The following ADGRG5 variants were observed in gnomAD, a reference collection of about 807,000 sequenced individuals.
ADGRG5 encodes G protein-coupled receptor 114.
A neutral mutation model predicts 53.2 loss-of-function variants in ADGRG5; 37 were observed. That is an observed-to-expected ratio of 0.70 (90% CI 0.53 to 0.91). ADGRG5 has a LOEUF of 0.91. Among genes scored for constraint, ADGRG5 ranks in the 40% least tolerant of loss-of-function variants. The pLI is 0.00. For missense variants in ADGRG5, 614 were observed against 675.8 expected (o/e 0.91, Z 1.01); for synonymous variants, 277 against 290.4 (o/e 0.95, Z 0.47).
At chr16:57,533,541 C>A in the ADGRG5 span, among the ~76,000 whole-genome samples, 3 of 151,354 alleles carry the variant, frequency 2.0e-5, no homozygotes, top group African/African-American at 4.9e-5. Context: ...CACACTCACA[C>A]ACACACCCCC....
the ADGRG5 span, among the ~76,000 whole-genome samples, chr16:57,532,475 C>G: frequency 6.6e-6 from 1 of 152,194 alleles, no homozygotes; most frequent in Non-Finnish European, 1.5e-5. Context: ...TGTGCATTCA[C>G]AAACATCTGT....
Position 57,570,415 on chromosome 16 carries a change from C to T in ADGRG5, c.1091-3C>T, listed in dbSNP as rs1179713637. On this transcript the variant is annotated splice_region_variant and splice_polypyrimidine_tract_variant and intron_variant, in intron 9 of 11. Transcript: ENST00000349457. The stretch of plus-strand genomic sequence containing the variant: ...TCTCCTGAGCCTTTGTCCCACCCCT[C>T]AGGGGCCCCAGCCCTCCTGGTGCTG... The T allele has an allele frequency of 2.5e-6, 4 of 1,608,536 alleles. No homozygotes were observed. The highest frequency in any genetic ancestry group is 1.7e-5 in the Admixed American group (1 of 60,010).
Position 57,575,074 on chromosome 16 carries a change from A to G in ADGRG5, c.1468A>G (p.Ile490Val), listed in dbSNP as rs761628458. The part of the protein sequence containing the change: ...FLLPQLFLFT[I>V]LNSLYGFFLF... Reference sequence around the variant, plus strand: ...GCTGCCCCAGCTGTTCCTCTTCACCATCTTAAACTCGCTCTACGGTAGGGC... The same window carrying G: ...GCTGCCCCAGCTGTTCCTCTTCACCGTCTTAAACTCGCTCTACGGTAGGGC... The change falls in exon 11 of 12, where the codon ATC becomes GTC. Residue 490 changes from isoleucine to valine, a missense_variant. By Grantham distance (29) the Ile-to-Val change is conservative. Transcript: ENST00000349457. 2 of 1,613,124 alleles carry G rather than the reference A, an allele frequency of 1.2e-6. No homozygotes were observed. The highest frequency in any genetic ancestry group is 1.7e-6 in the Non-Finnish European group (2 of 1,179,710).
At chr16:57,543,242 AC>A (rs1164261738) in intron 1 of ADGRG5, 3 of 146,660 alleles carry the variant, frequency 2.0e-5, no homozygotes, top group Admixed American at 1.3e-4. Flanking sequence ...CTCTTTCCCA[AC>A]CTGGGAAATA....
At chr16:57,565,522 T>C (rs893184327) in intron 6 of ADGRG5, 3 of 355,936 alleles carry the variant, frequency 8.4e-6, no homozygotes, top group Non-Finnish European at 1.5e-5. Flanking sequence ...GGCTGTCCAT[T>C]CTGTGGCATG....
At chr16:57,573,366 G>A (rs1414269906) in intron 10 of ADGRG5, among the ~76,000 whole-genome samples, 5 of 150,990 alleles carry the variant, frequency 3.3e-5, no homozygotes, top group African/African-American at 4.9e-5. Context: ...CCTGGGAGGC[G>A]GAGGTTGCAG....
chr16:57,547,636 G>A (rs1357754061), intron 1 of ADGRG5, among the ~76,000 whole-genome samples: 1 of 152,030 alleles, frequency 6.6e-6, no homozygotes, highest in African/African-American at 2.4e-5. Flanking sequence ...TAGTAGAGAC[G>A]CGGTTTCATC....
the ADGRG5 span, among the ~76,000 whole-genome samples, chr16:57,537,221 A>G: frequency 5.3e-5 from 8 of 152,070 alleles, no homozygotes; most frequent in African/African-American, 1.7e-4. Flanking sequence ...CTTTCTCTCT[A>G]TTGGGGGTAG....
At chr16:57,565,315 G>A in intron 6 of ADGRG5, 165 bp downstream of exon 6, 3 of 636,214 alleles carry the variant, frequency 4.7e-6, no homozygotes, top group Non-Finnish European at 8.5e-6. Flanking sequence ...TTTTACTCAT[G>A]CATTTGTCAG....
At chr16:57,538,557 G>A (rs770663083), upstream of ADGRG5, among the ~76,000 whole-genome samples, 2 of 152,196 alleles carry the variant, frequency 1.3e-5, no homozygotes, top group Non-Finnish European at 2.9e-5. Context: ...CCTATGAGAT[G>A]TCAGATCCCA....
intron 1 of ADGRG5, among the ~76,000 whole-genome samples, chr16:57,550,335 G>A (rs867968832): frequency 6.6e-6 from 1 of 152,140 alleles, no homozygotes. Context: ...TATATTTATT[G>A]GGTTGTTTGT....
chr16:57,549,273 CAG>C (rs2032693687), intron 1 of ADGRG5, among the ~76,000 whole-genome samples: 5 of 152,298 alleles, frequency 3.3e-5, no homozygotes, highest in Middle Eastern at 3.4e-3. Context: ...AGATCTTAGA[CAG>C]AGAGTGCAGG....
intron 1 of ADGRG5, among the ~76,000 whole-genome samples, chr16:57,543,464 G>T (rs1436176685): frequency 6.6e-6 from 1 of 151,960 alleles, no homozygotes; most frequent in Non-Finnish European, 1.5e-5. Flanking sequence ...CGTAATTTTA[G>T]TAGAGGCGGG....
At chr16:57,569,744 C>T (rs1488810026) in intron 9 of ADGRG5, among the ~76,000 whole-genome samples, 1 of 151,590 alleles carries the variant, frequency 6.6e-6, no homozygotes, top group African/African-American at 2.4e-5. Flanking sequence ...ATCTCCTCCA[C>T]CTCTGTCATC....
At chr16:57,547,746 C>CTGTTTTTTGTTTTT (rs200706810) in intron 1 of ADGRG5, among the ~76,000 whole-genome samples, 1 of 151,714 alleles carries the variant, frequency 6.6e-6, no homozygotes, top group East Asian at 2.0e-4. Context: ...TGCGCCCAGC[C>CTGTTTTTTGTTTTT]TGTTTTTTGT....
At chr16:57,566,329 C>A in intron 6 of ADGRG5, 1 of 355,732 alleles carries the variant, frequency 2.8e-6, no homozygotes, top group South Asian at 1.4e-4. Flanking sequence ...TTTGTTTTTC[C>A]ACCATTGTTG....
intron 1 of ADGRG5, among the ~76,000 whole-genome samples, chr16:57,558,792 C>A (rs1403339744): frequency 6.6e-6 from 1 of 151,448 alleles, no homozygotes; most frequent in Admixed American, 6.6e-5. Context: ...AGTGCAAAAT[C>A]CTGGACACTA....
Position 57,574,947 on chromosome 16 carries a change from A to C in ADGRG5, c.1341A>C (p.Ala447=). Residue 447 remains alanine, a synonymous_variant, in exon 11 of 12, where the codon GCA becomes GCC. Coordinates refer to ENST00000349457, the MANE Select transcript of ADGRG5 (RefSeq NM_001304376.3). This position sits in a 1 kb window ranked among gnomAD's most constrained non-coding sequence, Gnocchi z 4.4. ...GCAGGCTGCGGGAGCGGGCGGATGC[A>C]CCAAGTGTCAGGGCCTGCCATGACA... is the stretch of plus-strand genomic sequence containing the variant. ...TLRRLRERAD[A]PSVRACHDTV... is the part of the protein sequence containing the mutation. The C allele has an allele frequency of 6.2e-7, 1 of 1,613,592 alleles. No individual in the cohort carries two copies. Among genetic ancestry groups the C allele is most frequent in the Non-Finnish European group, 8.5e-7 (1 of 1,180,010 alleles).
At chr16:57,529,602 T>C in the ADGRG5 span, among the ~76,000 whole-genome samples, 7 of 152,208 alleles carry the variant, frequency 4.6e-5, no homozygotes, top group Non-Finnish European at 1.0e-4. The surrounding 1 kb of genome is among the most constrained non-coding windows in gnomAD (Gnocchi z 4.1). Flanking sequence ...TGATGGCTTA[T>C]ACTATACTAC....
Sources: allele counts gnomAD v4.1 joint callset (sites outside exome capture counted in the v4.1 genomes callset), GRCh38; gene constraint gnomAD v4.1.1; non-coding constraint Gnocchi (gnomAD v3.1); transcripts MANE v1.5; gene names NCBI Gene and HGNC (gene_info 2026-07-23, HGNC 2026-07-21).